The following LRRC61 variants were observed in gnomAD, a reference collection of about 807,000 sequenced individuals.
LRRC61 encodes leucine-rich repeat-containing protein 61.
Under a neutral mutation model 15.1 loss-of-function variants are expected in LRRC61, and 9 were observed. The ratio of observed to expected loss-of-function variants is 0.60; its 90% CI spans 0.36 to 1.04. The LOEUF (loss-of-function observed/expected upper bound fraction) is 1.04, where lower values mean the gene tolerates loss of function less well. Among genes scored for constraint, LRRC61 ranks in the 50% least tolerant of loss-of-function variants. The pLI is 0.01. For missense variants in LRRC61, 344 were observed against 335.6 expected, an observed-to-expected ratio of 1.03 and a Z score of -0.20; for synonymous variants, 173 against 158.6, an observed-to-expected ratio of 1.09 and a Z score of -0.68.
rs1798252471 is a variant in LRRC61 at position 150,335,238 on chromosome 7, A to G, written c.-144-1480A>G. Among the ~76,000 whole-genome samples the G allele has an allele frequency of 6.6e-6, 1 of 152,174 alleles. No individual in the cohort carries two copies. Among genetic ancestry groups the G allele is most frequent in the Non-Finnish European group, 1.5e-5 (1 of 68,036 alleles). On this transcript the variant is annotated intron_variant, in intron 2 of 2. Coordinates refer to ENST00000359623, the MANE Select transcript of LRRC61 (RefSeq NM_001142928.2). The surrounding 1 kb of genome is among the most constrained non-coding windows in gnomAD (Gnocchi z 4.3). ...TTAGGGGCCAGAGCAGCTTTAATCA[A>G]ATGCAAAGTTGATTGCATCACTCCC...
At chr7:150,332,712 A>G (rs1384789236) in intron 2 of LRRC61, 1 of 167,098 alleles carries the variant, frequency 6.0e-6, no homozygotes, top group Non-Finnish European at 1.5e-5. Flanking sequence ...AAAGTTTTGT[A>G]AACATTTAAT....
rs78422004 is a variant in LRRC61, at chr7:150,334,010, T to C, written c.-144-2708T>C. 9.9e-3 allele frequency: 9,769 copies of C among 984,826 alleles called. 388 individuals carry two copies. The East Asian group carries it at 0.12, about 12-fold the overall frequency. 61.0% of individuals were successfully genotyped at this position (984,826 alleles called of 1,614,324 possible). On this transcript the variant is annotated intron_variant, in intron 2 of 2. Transcript: ENST00000359623. ...GCCACACTGGTGCAGGGCTGTGTGT[T>C]GGAGGGCAACAGGGAAGGGCCGATT...
chr7:150,315,564 A>G, the LRRC61 span, among the ~76,000 whole-genome samples: 7 of 152,244 alleles, frequency 4.6e-5, no homozygotes, highest in African/African-American at 1.7e-4. Flanking sequence ...AGCATTCAAC[A>G]TATTTTATTA....
upstream of LRRC61, among the ~76,000 whole-genome samples, chr7:150,320,489 G>A (rs111586221): frequency 1.2e-3 from 184 of 152,178 alleles, 1 homozygote; most frequent in South Asian, 1.9e-3. Context: ...CAGGCCAGGC[G>A]CCATGGCTCA....
At chr7:150,325,617 C>A (rs902708212) in intron 1 of LRRC61, among the ~76,000 whole-genome samples, 2 of 152,296 alleles carry the variant, frequency 1.3e-5, no homozygotes, top group South Asian at 4.1e-4. Flanking sequence ...CAGGCACAGG[C>A]CATCACAGCT....
At position 150,334,405 on chromosome 7, in the gene LRRC61, G is replaced by C. The variant is rs6956442; in HGVS notation, c.-144-2313G>C. Among the ~76,000 whole-genome samples, 677 of 118,160 alleles carry C rather than the reference G, an allele frequency of 5.7e-3. 2 individuals are homozygous for C. Among genetic ancestry groups the C allele is most frequent in the Middle Eastern group, 0.046 (6 of 130 alleles). The allele number at this position is 118,160 out of a possible 152,430, so 77.5% of individuals were successfully genotyped here. On this transcript the variant is annotated intron_variant, in intron 2 of 2. Coordinates refer to ENST00000359623, the MANE Select transcript of LRRC61 (RefSeq NM_001142928.2). ...CTCGTTCATTCAGCCTCGTAGGTCA[G>C]CCTCCACCTCTGCTGCTCGTGCATA... is the stretch of plus-strand genomic sequence containing the variant.
At chr7:150,315,205 A>G in the LRRC61 span, among the ~76,000 whole-genome samples, 1 of 151,436 alleles carries the variant, frequency 6.6e-6, no homozygotes, top group East Asian at 1.9e-4. Context: ...AAAAGGACAC[A>G]AAAAGCAATG....
At chr7:150,326,451 G>A (rs559809264) in intron 2 of LRRC61, among the ~76,000 whole-genome samples, 5 of 152,252 alleles carry the variant, frequency 3.3e-5, no homozygotes, top group South Asian at 4.2e-4. Context: ...GGGAGGCTGA[G>A]GCAGGGGGAT....
Position 150,330,510 on chromosome 7 carries a change from G to C in LRRC61, c.-145+4500G>C. On this transcript the variant is annotated intron_variant, in intron 2 of 2. Coordinates refer to ENST00000359623, the MANE Select transcript of LRRC61 (RefSeq NM_001142928.2). This position sits in a 1 kb window ranked among gnomAD's most constrained non-coding sequence, Gnocchi z 4.6. ...GGAGCAGGTTCACACACACTTTCAG[G>C]AGCAGAGTGTCGGGGAGAGGGGCGC... 1 of 780,088 alleles carries C rather than the reference G, an allele frequency of 1.3e-6. No homozygotes were observed. Among genetic ancestry groups the C allele is most frequent in the Non-Finnish European group, 2.4e-6 (1 of 417,826 alleles). The allele number at this position is 780,088 out of a possible 1,614,324, so 48.3% of individuals were successfully genotyped here. A position where few individuals can be genotyped will look rare whatever the true frequency, so the allele number is the denominator to read the frequency against.
chr7:150,316,323 T>C, the LRRC61 span, among the ~76,000 whole-genome samples: 9 of 152,220 alleles, frequency 5.9e-5, no homozygotes, highest in African/African-American at 1.9e-4. Context: ...TGGCTGTCAA[T>C]ACATTGCACA....
intron 2 of LRRC61, chr7:150,334,126 T>C: frequency 1.0e-6 from 1 of 985,120 alleles, no homozygotes; most frequent in Non-Finnish European, 1.2e-6. Flanking sequence ...TCTGTCTGCC[T>C]GCTTCTTTGC....
chr7:150,330,683 G>A lies in LRRC61; in HGVS notation c.-145+4673G>A, dbSNP rs149586894. ...TTGAGGCCATCCTGCCATGGGGGCC[G>A]ACCGACATTGACCACTGGAAGCAAG... is the stretch of plus-strand genomic sequence containing the variant. On this transcript the variant is annotated intron_variant, in intron 2 of 2. Transcript: ENST00000359623. This position sits in a 1 kb window ranked among gnomAD's most constrained non-coding sequence, Gnocchi z 4.6. The A allele has an allele frequency of 1.3e-4, 181 of 1,421,258 alleles. No homozygotes were observed. The highest frequency in any genetic ancestry group is 2.2e-4 in the Admixed American group (13 of 59,772). 88.0% of individuals were successfully genotyped at this position (1,421,258 alleles called of 1,614,324 possible).
chr7:150,322,300 G>C (rs1160026065), upstream of LRRC61, among the ~76,000 whole-genome samples: 1 of 152,230 alleles, frequency 6.6e-6, no homozygotes, highest in Admixed American at 6.5e-5. Context: ...GGCATTCTAA[G>C]TCACAGGATG....
chr7:150,333,727 G>A lies in LRRC61; in HGVS notation c.-144-2991G>A, dbSNP rs1162383058. ...CCCTTCATTTCCATAGTTAGGACAA[G>A]GACGGCTCCTTCTGGAGGAGTGCTG... On this transcript the variant is annotated intron_variant, in intron 2 of 2. Transcript: ENST00000359623. The surrounding 1 kb of genome is among the most constrained non-coding windows in gnomAD (Gnocchi z 4.3). 6.6e-6 allele frequency among the ~76,000 whole-genome samples: 1 copy of A among 152,228 alleles called. No homozygotes were observed. The highest frequency in any genetic ancestry group is 1.5e-5 in the Non-Finnish European group (1 of 68,044).
At chr7:150,323,899 C>T (rs917036851) in intron 1 of LRRC61, among the ~76,000 whole-genome samples, 5 of 152,228 alleles carry the variant, frequency 3.3e-5, no homozygotes, top group African/African-American at 9.7e-5. Flanking sequence ...GCTCTGACTC[C>T]ATTGTTAGCC....
chr7:150,313,588 G>C, the LRRC61 span, among the ~76,000 whole-genome samples: 2 of 152,106 alleles, frequency 1.3e-5, no homozygotes, highest in South Asian at 2.1e-4. Flanking sequence ...AAGAAGGGAG[G>C]GGGGTACAGT....
chr7:150,337,818 G>A lies in LRRC61; in HGVS notation c.*177G>A, dbSNP rs147759064. 4.0e-5 allele frequency: 28 copies of A among 703,924 alleles called. No individual in the cohort carries two copies. The African/African-American group carries it at 4.5e-4, about 11-fold the overall frequency. 43.6% of individuals were successfully genotyped at this position (703,924 alleles called of 1,614,324 possible). ...CCACCATCCCTCCACATGCTGCAAG[G>A]ACAGACTGAAGGGCTGTGAGCAGGT... On this transcript the variant is annotated 3_prime_UTR_variant, in exon 3 of 3. Transcript: ENST00000359623.
the LRRC61 span, among the ~76,000 whole-genome samples, chr7:150,309,951 C>A: frequency 2.0e-5 from 3 of 152,160 alleles, no homozygotes; most frequent in Admixed American, 2.0e-4. Context: ...CTCCACATTA[C>A]CTTCTTTTCA....
chr7:150,330,605 C>T lies in LRRC61; in HGVS notation c.-145+4595C>T, dbSNP rs763728477. The T allele has an allele frequency of 4.9e-6, 4 of 820,358 alleles. No homozygotes were observed. Among genetic ancestry groups the T allele is most frequent in the South Asian group, 2.7e-5 (2 of 75,284 alleles). The allele number at this position is 820,358 out of a possible 1,614,324, so 50.8% of individuals were successfully genotyped here. A position where few individuals can be genotyped will look rare whatever the true frequency, so the allele number is the denominator to read the frequency against. ...ACTGTCAGCTCAACAAGCTCTTCTA[C>T]CGCGAGGAGTTTGTGCTGGCCACCT... On this transcript the variant is annotated intron_variant, in intron 2 of 2. Coordinates refer to ENST00000359623, the MANE Select transcript of LRRC61 (RefSeq NM_001142928.2). This position sits in a 1 kb window ranked among gnomAD's most constrained non-coding sequence, Gnocchi z 4.6.
Sources: gnomAD v4.1 joint callset for allele counts (sites outside exome capture counted in the v4.1 genomes callset) on GRCh38, gnomAD v4.1.1 for gene constraint, Gnocchi (gnomAD v3.1) non-coding constraint, MANE v1.5 for transcripts, NCBI Gene and HGNC (gene_info 2026-07-23, HGNC 2026-07-21) for gene names.